DLG2: variants seen among roughly 807,000 people sequenced by gnomAD.
DLG2 encodes the protein disks large homolog 2.
DLG2 carries 45 observed loss-of-function variants against 132.5 expected under a neutral mutation model. The observed-to-expected ratio is 0.34, with a 90% CI of 0.27 to 0.44. DLG2 has a LOEUF of 0.44. Among genes scored for constraint, DLG2 ranks in the 20% least tolerant of loss-of-function variants. DLG2 has a pLI of 1.00. For synonymous variants in DLG2, 424 were observed against 419.6 expected, an observed-to-expected ratio of 1.01 and a Z score of -0.13; for missense variants, 1,045 against 1,196.9, an observed-to-expected ratio of 0.87 and a Z score of 1.87.
At chr11:84,053,488 A>G (rs2096440877) in intron 11 of DLG2, among the ~76,000 whole-genome samples, 1 of 151,970 alleles carries the variant, frequency 6.6e-6, no homozygotes, top group Non-Finnish European at 1.5e-5. Flanking sequence ...ATATTATATT[A>G]AATACAATCT....
intron 18 of DLG2, among the ~76,000 whole-genome samples, chr11:83,713,380 G>C (rs183640800): frequency 6.6e-6 from 1 of 152,198 alleles, no homozygotes; most frequent in Non-Finnish European, 1.5e-5. Flanking sequence ...ATAAAAGACG[G>C]ATTTCCAGAG....
chr11:83,597,776 T>G (rs2057862852), intron 19 of DLG2, among the ~76,000 whole-genome samples: 1 of 147,582 alleles, frequency 6.8e-6, no homozygotes, highest in African/African-American at 2.5e-5. Context: ...CAGAGTGAGC[T>G]CCCTGTCTCA....
intron 4 of DLG2, among the ~76,000 whole-genome samples, chr11:85,229,391 G>T (rs2075165491): frequency 1.3e-5 from 2 of 152,026 alleles, no homozygotes; most frequent in Non-Finnish European, 1.5e-5. Flanking sequence ...ATGAAAAAAA[G>T]CTTATCATCA....
At chr11:84,888,623 T>C (rs1430324893) in intron 6 of DLG2, among the ~76,000 whole-genome samples, 1 of 152,090 alleles carries the variant, frequency 6.6e-6, no homozygotes, top group African/African-American at 2.4e-5. Flanking sequence ...AACCCTAATA[T>C]ACTCTTGTTC....
At chr11:84,489,622 A>G (rs2099159497) in intron 7 of DLG2, among the ~76,000 whole-genome samples, 1 of 152,094 alleles carries the variant, frequency 6.6e-6, no homozygotes, top group Admixed American at 6.6e-5. Flanking sequence ...TTTCAACCAA[A>G]GCAAAACGCT....
intron 9 of DLG2, among the ~76,000 whole-genome samples, chr11:84,124,541 G>C (rs1383992708): frequency 6.6e-6 from 1 of 152,168 alleles, no homozygotes; most frequent in African/African-American, 2.4e-5. Context: ...TGGAATAAAG[G>C]TTTCTGTCAT....
chr11:84,656,456 C>T (rs1215511714), intron 6 of DLG2, among the ~76,000 whole-genome samples: 3 of 151,932 alleles, frequency 2.0e-5, no homozygotes, highest in Admixed American at 6.6e-5. Context: ...CTTTATCATA[C>T]GAAGAGTATA....
intron 18 of DLG2, among the ~76,000 whole-genome samples, chr11:83,664,632 G>C (rs1173947861): frequency 1.3e-5 from 2 of 152,082 alleles, no homozygotes; most frequent in Non-Finnish European, 2.9e-5. Flanking sequence ...TCTCTAGCTT[G>C]GTGCTTGGGA....
intron 6 of DLG2, among the ~76,000 whole-genome samples, chr11:84,932,191 C>T (rs2048172773): frequency 6.6e-6 from 1 of 152,118 alleles, no homozygotes; most frequent in Non-Finnish European, 1.5e-5. Flanking sequence ...GAAATCTTTG[C>T]CCATGCCTAT....
intron 7 of DLG2, among the ~76,000 whole-genome samples, chr11:84,307,868 G>T (rs879354742): frequency 7.2e-5 from 11 of 151,916 alleles, no homozygotes; most frequent in Admixed American, 7.2e-4. Flanking sequence ...GGACCTTCGC[G>T]GTGAGTGTTA....
chr11:85,533,976 T>G (rs1397766512), intron 3 of DLG2, among the ~76,000 whole-genome samples: 1 of 152,200 alleles, frequency 6.6e-6, no homozygotes, highest in Non-Finnish European at 1.5e-5. Flanking sequence ...TGTTGCTCTC[T>G]GGTTTTTTGT....
At chr11:83,506,330 T>A (rs1447271953) in intron 21 of DLG2, among the ~76,000 whole-genome samples, 1 of 152,220 alleles carries the variant, frequency 6.6e-6, no homozygotes, top group Non-Finnish European at 1.5e-5. Flanking sequence ...TTCAGCCTGA[T>A]CCAACTCTAT....
Position 83,930,493 on chromosome 11 carries a change from C to A in DLG2, c.1341-10G>T, listed in dbSNP as rs1461683770. 1.2e-6 allele frequency: 2 copies of A among 1,612,880 alleles called. No individual in the cohort carries two copies. Among genetic ancestry groups the A allele is most frequent in the South Asian group, 1.1e-5 (1 of 90,882 alleles). On this transcript the variant is annotated splice_polypyrimidine_tract_variant and intron_variant, in intron 14 of 27. Transcript: ENST00000376104. ...AACAGGTTCCGGAGGCCTGGTGATA[C>A]AAGAGGAAGAGAAAGATATGCATGG...
intron 18 of DLG2, among the ~76,000 whole-genome samples, chr11:83,749,145 A>G (rs982601948): frequency 6.6e-6 from 1 of 152,172 alleles, no homozygotes; most frequent in African/African-American, 2.4e-5. Context: ...CCACATTGGA[A>G]TTCTAGCAGC....
At chr11:84,849,003 G>C (rs1226010630) in intron 6 of DLG2, among the ~76,000 whole-genome samples, 2 of 152,170 alleles carry the variant, frequency 1.3e-5, no homozygotes, top group Non-Finnish European at 2.9e-5. Flanking sequence ...TTCTAATTTT[G>C]TGTTTTAGGG....
intron 6 of DLG2, among the ~76,000 whole-genome samples, chr11:84,946,724 G>T (rs962966189): frequency 6.6e-6 from 1 of 152,110 alleles, no homozygotes; most frequent in Non-Finnish European, 1.5e-5. Context: ...CCTAGCTGGT[G>T]TATCACTAGG....
At chr11:83,598,518 A>G (rs2058007001) in intron 19 of DLG2, among the ~76,000 whole-genome samples, 1 of 152,220 alleles carries the variant, frequency 6.6e-6, no homozygotes, top group Admixed American at 6.5e-5. Context: ...ATCTTCAAAC[A>G]TTGATTTCCT....
intron 6 of DLG2, among the ~76,000 whole-genome samples, chr11:84,974,806 C>T: frequency 6.6e-6 from 1 of 152,142 alleles, no homozygotes. Flanking sequence ...AGCAAGCCCC[C>T]CAGATAACTG....
chr11:83,999,957 T>A (rs1319637237), intron 11 of DLG2, among the ~76,000 whole-genome samples: 2 of 148,850 alleles, frequency 1.3e-5, no homozygotes, highest in Non-Finnish European at 3.0e-5. Flanking sequence ...CTGGAAACAT[T>A]AAAAAAAAAA....
Sources: gnomAD v4.1 joint callset for allele counts (sites outside exome capture counted in the v4.1 genomes callset) on GRCh38, gnomAD v4.1.1 for gene constraint, MANE v1.5 for transcripts, NCBI Gene and HGNC (gene_info 2026-07-23, HGNC 2026-07-21) for gene names.